Variants in MYH10 observed in about 807,000 individuals in gnomAD.
The protein encoded by MYH10 is myosin heavy chain 10, also known as myosin-10.
MYH10 carries 55 observed loss-of-function variants against 257.8 expected under a neutral mutation model. The ratio of observed to expected loss-of-function variants is 0.21; its 90% CI spans 0.17 to 0.27. The LOEUF (loss-of-function observed/expected upper bound fraction) is 0.27. Among genes scored for constraint, MYH10 ranks in the 10% least tolerant of loss-of-function variants. The pLI is 1.00. For missense variants in MYH10, 1,631 were observed against 2,500.6 expected (o/e 0.65, Z 7.42); for synonymous variants, 854 against 921.7 (o/e 0.93, Z 1.33).
intron 3 of MYH10, among the ~76,000 whole-genome samples, chr17:8,589,389 A>T (rs1204327531): frequency 6.6e-6 from 1 of 152,192 alleles, no homozygotes; most frequent in Non-Finnish European, 1.5e-5. Context: ...ATTAACCTTG[A>T]TTCTCAAACC....
chr17:8,524,490 A>AAAAAAAAAAG (rs1567846453), intron 17 of MYH10, among the ~76,000 whole-genome samples: 1 of 125,770 alleles, frequency 8.0e-6, no homozygotes, highest in African/African-American at 2.8e-5. Context: ...AAAAAAAAAA[A>AAAAAAAAAAG]AAGGATATGG....
chr17:8,629,995 TCCACCCACGGGTCGGGCGCGCG>T (rs2085847696), intron 1 of MYH10, among the ~76,000 whole-genome samples: 1 of 151,246 alleles, frequency 6.6e-6, no homozygotes, highest in Non-Finnish European at 1.5e-5. Context: ...CTCCTGTCCC[TCCACCCACGGGTCGGGCGCGCG>T]CCGCCCGCCT....
intron 25 of MYH10, among the ~76,000 whole-genome samples, chr17:8,509,249 T>A (rs148529129): frequency 6.6e-6 from 1 of 152,256 alleles, no homozygotes; most frequent in South Asian, 2.1e-4. Flanking sequence ...GACAGTAACA[T>A]GCTGTACAAG....
At chr17:8,592,812 A>G (rs2084199238) in intron 3 of MYH10, among the ~76,000 whole-genome samples, 1 of 50,486 alleles carries the variant, frequency 2.0e-5, no homozygotes, top group Admixed American at 2.3e-4. Context: ...TGATAATGAA[A>G]TCAGAAAAAA....
At chr17:8,597,981 TTTGG>T (rs749727625) in intron 3 of MYH10, among the ~76,000 whole-genome samples, 10 of 152,018 alleles carry the variant, frequency 6.6e-5, no homozygotes, top group Admixed American at 3.3e-4. Context: ...GTCCTTAAGA[TTTGG>T]TTTGTTTGTT....
At chr17:8,484,794 A>C (rs1914483183) in intron 36 of MYH10, among the ~76,000 whole-genome samples, 1 of 152,250 alleles carries the variant, frequency 6.6e-6, no homozygotes, top group Admixed American at 6.5e-5. Context: ...GAACAGAAGG[A>C]AATTTCTTCA....
chr17:8,542,981 T>G (rs2082333135), intron 13 of MYH10, among the ~76,000 whole-genome samples: 1 of 152,194 alleles, frequency 6.6e-6, no homozygotes, highest in South Asian at 2.1e-4. Context: ...TCATATGTTA[T>G]TGTCATTTCT....
intron 21 of MYH10, among the ~76,000 whole-genome samples, chr17:8,517,128 G>A (rs553016758): frequency 4.2e-4 from 64 of 152,170 alleles, no homozygotes; most frequent in Non-Finnish European, 7.2e-4. Flanking sequence ...GCGACAGAGC[G>A]AGACTCTGTC....
chr17:8,479,874 G>A (rs1008749365), intron 40 of MYH10, among the ~76,000 whole-genome samples: 3 of 152,152 alleles, frequency 2.0e-5, no homozygotes, highest in African/African-American at 7.2e-5. Flanking sequence ...AGGAAATCAC[G>A]GGGCGCCGTC....
chr17:8,495,169 C>T lies in MYH10; in HGVS notation c.4024G>A (p.Ala1342Thr), dbSNP rs1432747048. 2 of 1,612,710 alleles carry T rather than the reference C, an allele frequency of 1.2e-6. No homozygotes were observed. Among genetic ancestry groups the T allele is most frequent in the South Asian group, 1.1e-5 (1 of 91,050 alleles). ...TCCTGTAGTTGAGACTCAAGACTAGCTGCATCCTTAGCAAATTTAATACCC... is the reference window on the plus strand; with the variant it reads ...TCCTGTAGTTGAGACTCAAGACTAGTTGCATCCTTAGCAAATTTAATACCC... ...KKGIKFAKDA[A>T]SLESQLQDTQ... Residue 1342 changes from alanine (A) to threonine (T), a missense_variant, in exon 31 of 43, where the codon GCT becomes ACT. Ala to Thr is a moderately conservative substitution (Grantham distance 58). Transcript: ENST00000360416.
chr17:8,547,826 T>TTATA, intron 11 of MYH10, among the ~76,000 whole-genome samples: 1 of 147,056 alleles, frequency 6.8e-6, no homozygotes, highest in Admixed American at 6.8e-5. Flanking sequence ...TAATAATATA[T>TTATA]TATATATATA....
At chr17:8,523,627 C>T (rs1159942585) in intron 17 of MYH10, among the ~76,000 whole-genome samples, 1 of 152,076 alleles carries the variant, frequency 6.6e-6, no homozygotes, top group Non-Finnish European at 1.5e-5. Flanking sequence ...CTGGCTGCTG[C>T]CTGCAGAATG....
At chr17:8,594,806 T>C (rs911152552) in intron 3 of MYH10, among the ~76,000 whole-genome samples, 13 of 152,218 alleles carry the variant, frequency 8.5e-5, no homozygotes, top group African/African-American at 2.9e-4. Context: ...TTACTTATAA[T>C]AGTATAATGA....
chr17:8,517,251 T>C (rs1354056314), intron 21 of MYH10, among the ~76,000 whole-genome samples: 3 of 152,264 alleles, frequency 2.0e-5, no homozygotes, highest in Admixed American at 2.0e-4. Context: ...CTACTCTTTT[T>C]ACTCTGTATT....
chr17:8,542,588 A>G (rs958240293), intron 13 of MYH10, among the ~76,000 whole-genome samples: 3 of 152,246 alleles, frequency 2.0e-5, no homozygotes, highest in Non-Finnish European at 4.4e-5. Context: ...AAAACAATTC[A>G]GTTCTTATTA....
At chr17:8,525,486 G>C (rs2151912193) in intron 17 of MYH10, among the ~76,000 whole-genome samples, 1 of 152,370 alleles carries the variant, frequency 6.6e-6, no homozygotes, top group East Asian at 1.9e-4. Flanking sequence ...GCACACAGTA[G>C]CTATTTAATA....
chr17:8,616,330 G>A lies in MYH10; in HGVS notation c.345+6572C>T, dbSNP rs1192270117. Among the ~76,000 whole-genome samples the A allele has an allele frequency of 3.3e-5, 5 of 151,932 alleles. No individual in the cohort carries two copies. The East Asian group carries it at 9.7e-4, about 29-fold the overall frequency. On this transcript the variant is annotated intron_variant, in intron 2 of 42. Coordinates refer to ENST00000360416, the MANE Select transcript of MYH10 (RefSeq NM_001256012.3). Reference sequence around the variant, plus strand: ...TAGTGAAAAATAAAACTCATTATTTGTGGACAACATGTGTGCTCATAGAAA... The same window carrying A: ...TAGTGAAAAATAAAACTCATTATTTATGGACAACATGTGTGCTCATAGAAA...
At chr17:8,537,936 G>A (rs2082186825) in intron 14 of MYH10, among the ~76,000 whole-genome samples, 1 of 152,198 alleles carries the variant, frequency 6.6e-6, no homozygotes, top group Non-Finnish European at 1.5e-5. Context: ...GAAAGCTTGT[G>A]AACTCAGAGG....
chr17:8,484,370 C>G (rs772740385), intron 36 of MYH10, 104 bp from the exon 37 acceptor site: 204 of 1,098,774 alleles, frequency 1.9e-4, no homozygotes, highest in Non-Finnish European at 2.6e-4. Flanking sequence ...AGGCTGATCT[C>G]AAACTCAAGG....
Sources: gnomAD v4.1 joint callset for allele counts (sites outside exome capture counted in the v4.1 genomes callset) on GRCh38, gnomAD v4.1.1 for gene constraint, MANE v1.5 for transcripts, NCBI Gene and HGNC (gene_info 2026-07-23, HGNC 2026-07-21) for gene names.